Variants in NAALADL2 observed in about 807,000 individuals in gnomAD.
The protein encoded by NAALADL2 is inactive N-acetylated-alpha-linked acidic dipeptidase-like protein 2.
Under a neutral mutation model 87.2 loss-of-function variants are expected in NAALADL2, and 76 were observed. The ratio of observed to expected loss-of-function variants is 0.87; its 90% CI spans 0.72 to 1.05. NAALADL2 has a LOEUF of 1.05. NAALADL2 is among the 50% of genes least tolerant of loss of function. NAALADL2 has a pLI of 0.00. For synonymous variants in NAALADL2, 354 were observed against 331.0 expected (o/e 1.07, Z -0.75); for missense variants, 1,089 against 945.8 (o/e 1.15, Z -1.99).
At chr3:175,468,622 C>A (rs1416522546) in intron 8 of NAALADL2, among the ~76,000 whole-genome samples, 4 of 151,530 alleles carry the variant, frequency 2.6e-5, no homozygotes, top group Non-Finnish European at 5.9e-5. Context: ...TATTTTAGGT[C>A]TTCTAGATAC....
At chr3:174,925,577 C>G (rs1284332202) in intron 1 of NAALADL2, among the ~76,000 whole-genome samples, 1 of 152,050 alleles carries the variant, frequency 6.6e-6, no homozygotes, top group African/African-American at 2.4e-5. Flanking sequence ...TCCATATGAA[C>G]TTTAAAGTAG....
chr3:175,319,502 A>G (rs1032846095), intron 4 of NAALADL2, among the ~76,000 whole-genome samples: 6 of 151,960 alleles, frequency 3.9e-5, no homozygotes, highest in Non-Finnish European at 1.5e-5. Context: ...CTTCCCAAAT[A>G]TTTTCTCAGG....
intron 5 of NAALADL2, among the ~76,000 whole-genome samples, chr3:175,334,562 T>C (rs1350620465): frequency 6.6e-6 from 1 of 152,190 alleles, no homozygotes; most frequent in Non-Finnish European, 1.5e-5. Context: ...CATATACACA[T>C]ATTCTTCTTA....
chr3:175,710,015 T>C (rs1344619865), intron 11 of NAALADL2, among the ~76,000 whole-genome samples: 1 of 151,908 alleles, frequency 6.6e-6, no homozygotes, highest in African/African-American at 2.4e-5. Context: ...GACAAAATAA[T>C]TTTTGGCTGG....
intron 3 of NAALADL2, among the ~76,000 whole-genome samples, chr3:174,824,790 T>C (rs1553865838): frequency 6.6e-6 from 1 of 152,144 alleles, no homozygotes; most frequent in Non-Finnish European, 1.5e-5. Context: ...TGGGACAAAA[T>C]GGCCATACTG....
chr3:175,246,680 A>C (rs1304252277), intron 3 of NAALADL2, among the ~76,000 whole-genome samples: 1 of 152,162 alleles, frequency 6.6e-6, no homozygotes, highest in East Asian at 1.9e-4. Context: ...GTAGGAAATA[A>C]TAATTCTGCT....
At chr3:174,478,691 GTTT>G (rs1466455167) in intron 1 of NAALADL2, among the ~76,000 whole-genome samples, 1 of 152,000 alleles carries the variant, frequency 6.6e-6, no homozygotes, top group African/African-American at 2.4e-5. Flanking sequence ...TAGATACCAT[GTTT>G]TTTGTATGTC....
At chr3:175,418,844 A>G (rs913529490) in intron 5 of NAALADL2, among the ~76,000 whole-genome samples, 1 of 152,004 alleles carries the variant, frequency 6.6e-6, no homozygotes, top group Non-Finnish European at 1.5e-5. Flanking sequence ...CAGGCACTCA[A>G]ATTAAATCTT....
intron 12 of NAALADL2, among the ~76,000 whole-genome samples, chr3:175,753,330 T>G (rs1746843616): frequency 6.6e-6 from 1 of 152,194 alleles, no homozygotes; most frequent in South Asian, 2.1e-4. Context: ...TACCTATGAA[T>G]CTCTTTGTAG....
At chr3:175,079,907 C>T (rs1313262875) in intron 1 of NAALADL2, among the ~76,000 whole-genome samples, 1 of 152,036 alleles carries the variant, frequency 6.6e-6, no homozygotes, top group Non-Finnish European at 1.5e-5. Context: ...ATTTTTGATT[C>T]CTAGCAAATA....
intron 2 of NAALADL2, among the ~76,000 whole-genome samples, chr3:174,567,495 T>C (rs1714429663): frequency 6.6e-6 from 1 of 151,592 alleles, no homozygotes; most frequent in African/African-American, 2.4e-5. Flanking sequence ...CTACCTGACT[T>C]GCAAATTTTA....
chr3:174,575,391 C>T (rs758434540), intron 2 of NAALADL2, among the ~76,000 whole-genome samples: 1 of 152,116 alleles, frequency 6.6e-6, no homozygotes, highest in African/African-American at 2.4e-5. Flanking sequence ...ACTTTGTGAG[C>T]AATTCTTTAC....
At chr3:175,672,274 G>C (rs775779644) in intron 11 of NAALADL2, among the ~76,000 whole-genome samples, 57 of 152,236 alleles carry the variant, frequency 3.7e-4, no homozygotes, top group Non-Finnish European at 7.4e-4. Context: ...ATTGGTTTAT[G>C]ACTAAATCAT....
chr3:175,349,858 C>T (rs1334402881), intron 5 of NAALADL2, among the ~76,000 whole-genome samples: 7 of 152,104 alleles, frequency 4.6e-5, no homozygotes, highest in Admixed American at 1.3e-4. Context: ...TTCTTTCCCT[C>T]ACATTAGAGA....
intron 1 of NAALADL2, among the ~76,000 whole-genome samples, chr3:174,867,362 TATC>T (rs1453274932): frequency 1.3e-5 from 2 of 152,020 alleles, no homozygotes; most frequent in African/African-American, 4.8e-5. Context: ...TCAGATTAAA[TATC>T]ATCTCCAGCC....
intron 1 of NAALADL2, among the ~76,000 whole-genome samples, chr3:174,941,444 G>A (rs1438946706): frequency 7.9e-5 from 12 of 151,978 alleles, no homozygotes; most frequent in Non-Finnish European, 1.5e-4. Flanking sequence ...ATTATGTGCC[G>A]TATGGTGATG....
intron 2 of NAALADL2, among the ~76,000 whole-genome samples, chr3:174,730,236 T>C (rs982349221): frequency 1.6e-4 from 25 of 152,162 alleles, no homozygotes; most frequent in Admixed American, 1.3e-3. Flanking sequence ...TGTAACCCTA[T>C]GACAAGATCA....
intron 10 of NAALADL2, chr3:175,609,551 A>G (rs1405237753): frequency 6.6e-6 from 1 of 152,080 alleles, no homozygotes; most frequent in Non-Finnish European, 1.5e-5. Flanking sequence ...TGAAAACTAA[A>G]TCTTTGTAGT....
At chr3:175,082,857 G>A (rs1359551326) in intron 1 of NAALADL2, among the ~76,000 whole-genome samples, 1 of 152,136 alleles carries the variant, frequency 6.6e-6, no homozygotes, top group Non-Finnish European at 1.5e-5. Context: ...GATGGACTGA[G>A]GCACTTCAGT....
Sources: gnomAD v4.1 joint callset for allele counts (sites outside exome capture counted in the v4.1 genomes callset) on GRCh38, gnomAD v4.1.1 for gene constraint, MANE v1.5 for transcripts, NCBI Gene and HGNC (gene_info 2026-07-23, HGNC 2026-07-21) for gene names.